The following SMIM41 variants were observed in gnomAD, a reference collection of about 807,000 sequenced individuals.
SMIM41 encodes the protein small integral membrane protein 41.
intron 2 of SMIM41, among the ~76,000 whole-genome samples, chr12:52,105,038 G>A (rs1940306168): frequency 6.6e-6 from 1 of 152,244 alleles, no homozygotes. Flanking sequence ...AAGTCAAAAA[G>A]GGTGAAGTCC....
At chr12:52,087,703 A>G (rs1337709313) in intron 2 of SMIM41, 2 of 152,188 alleles carry the variant, frequency 1.3e-5, no homozygotes, top group Non-Finnish European at 2.9e-5. Flanking sequence ...AATCCTCTCC[A>G]TCCTTAGGAA....
intron 2 of SMIM41, among the ~76,000 whole-genome samples, chr12:52,093,966 A>G (rs551885562): frequency 6.6e-6 from 1 of 151,964 alleles, no homozygotes; most frequent in East Asian, 2.0e-4. Flanking sequence ...CCCTGTCTCT[A>G]CAAAAAATAG....
intron 2 of SMIM41, among the ~76,000 whole-genome samples, chr12:52,101,093 A>C (rs371630287): frequency 3.3e-5 from 5 of 152,176 alleles, no homozygotes; most frequent in African/African-American, 9.7e-5. Flanking sequence ...ACAGCATGAC[A>C]AATATTACAT....
intron 2 of SMIM41, among the ~76,000 whole-genome samples, chr12:52,098,594 G>A (rs1186959598): frequency 6.6e-6 from 1 of 151,570 alleles, no homozygotes; most frequent in African/African-American, 2.4e-5. Context: ...AGGAAGGGAT[G>A]TACAGACCCT....
At chr12:52,080,635 C>T (rs551090381) in intron 1 of SMIM41, among the ~76,000 whole-genome samples, 2 of 152,332 alleles carry the variant, frequency 1.3e-5, no homozygotes, top group African/African-American at 4.8e-5. Flanking sequence ...ACTCTGCGGG[C>T]CCCAGCACTG....
At chr12:52,092,106 A>C (rs1048784756) in intron 2 of SMIM41, 3 of 152,232 alleles carry the variant, frequency 2.0e-5, no homozygotes, top group African/African-American at 7.2e-5. Flanking sequence ...GGCGTTCCAA[A>C]GGCTATGAAA....
chr12:52,105,778 A>G (rs772837213), intron 2 of SMIM41, among the ~76,000 whole-genome samples: 1 of 152,162 alleles, frequency 6.6e-6, no homozygotes, highest in African/African-American at 2.4e-5. Context: ...AAAAACAAAA[A>G]AAAACTCCCA....
chr12:52,083,992 T>C (rs551305287), intron 2 of SMIM41, 24 bp downstream of exon 2: 1 of 152,288 alleles, frequency 6.6e-6, no homozygotes, highest in South Asian at 2.1e-4. Flanking sequence ...CCTCTATTCC[T>C]GGGAACACTC....
At chr12:52,090,228 C>CA (rs1939975529) in intron 2 of SMIM41, among the ~76,000 whole-genome samples, 1 of 152,084 alleles carries the variant, frequency 6.6e-6, no homozygotes, top group African/African-American at 2.4e-5. Flanking sequence ...GCAACCACCA[C>CA]ACCTGGCTAA....
chr12:52,092,997 C>T (rs888064286), intron 2 of SMIM41, among the ~76,000 whole-genome samples: 2 of 151,958 alleles, frequency 1.3e-5, no homozygotes, highest in African/African-American at 2.4e-5. Context: ...CTGGCTAACA[C>T]GGTGAAACCC....
chr12:52,095,555 G>A (rs1251682054), intron 2 of SMIM41, among the ~76,000 whole-genome samples: 1 of 152,044 alleles, frequency 6.6e-6, no homozygotes, highest in African/African-American at 2.4e-5. Flanking sequence ...TACCCCCAGC[G>A]GCATTGGGTG....
intron 2 of SMIM41, among the ~76,000 whole-genome samples, chr12:52,096,077 G>A (rs6580851): frequency 0.11 from 16,015 of 151,462 alleles, 2,739 homozygotes; most frequent in African/African-American, 0.37. Context: ...TACATCTCCT[G>A]TTGTATGGGG....
At chr12:52,090,783 A>T (rs1044404441) in intron 2 of SMIM41, among the ~76,000 whole-genome samples, 1 of 152,188 alleles carries the variant, frequency 6.6e-6, no homozygotes, top group Non-Finnish European at 1.5e-5. Flanking sequence ...TTGGAAATCC[A>T]TAGGTGGTTG....
intron 2 of SMIM41, among the ~76,000 whole-genome samples, chr12:52,095,463 T>C (rs7979279): frequency 0.36 from 54,604 of 151,988 alleles, 11,708 homozygotes; most frequent in African/African-American, 0.56. Context: ...ATATCACAGA[T>C]GGGTGTATAT....
chr12:52,103,106 A>G (rs1940252985), intron 2 of SMIM41, among the ~76,000 whole-genome samples: 1 of 152,156 alleles, frequency 6.6e-6, no homozygotes. Context: ...TGGGAGGATC[A>G]CCTGAGGTCA....
intron 2 of SMIM41, 110 bp from the exon 3 acceptor site, chr12:52,107,269 G>C (rs1420514036): frequency 2.5e-6 from 1 of 404,374 alleles, no homozygotes; most frequent in Non-Finnish European, 4.9e-6. Context: ...CACAATGCTG[G>C]GTGTTGGTTT....
At chr12:52,080,940 TGGG>T (rs1019421662) in intron 1 of SMIM41, among the ~76,000 whole-genome samples, 2 of 150,610 alleles carry the variant, frequency 1.3e-5, no homozygotes, top group African/African-American at 4.9e-5. Context: ...TGGTGTGTGT[TGGG>T]GGGTGTGGAT....
At chr12:52,083,534 C>T (rs1038541857) in intron 1 of SMIM41, among the ~76,000 whole-genome samples, 12 of 152,166 alleles carry the variant, frequency 7.9e-5, no homozygotes, top group African/African-American at 2.9e-4. Flanking sequence ...CCACATCTTC[C>T]GAGGGTGGGT....
At chr12:52,097,841 T>C (rs1940127353) in intron 2 of SMIM41, among the ~76,000 whole-genome samples, 1 of 151,944 alleles carries the variant, frequency 6.6e-6, no homozygotes, top group Admixed American at 6.6e-5. Flanking sequence ...TGTACATTTC[T>C]TGTGATATAG....
Sources: gnomAD v4.1 joint callset for allele counts (sites outside exome capture counted in the v4.1 genomes callset) on GRCh38, gnomAD v4.1.1 for gene constraint, MANE v1.5 for transcripts, NCBI Gene and HGNC (gene_info 2026-07-23, HGNC 2026-07-21) for gene names.